Variants in ABCB1 observed in about 807,000 individuals in gnomAD.
ABCB1 encodes the protein ATP binding cassette subfamily B member 1, also known as ATP-dependent translocase ABCB1.
In ABCB1, 69 loss-of-function variants were observed where a neutral mutation model predicts 142.0. The observed-to-expected ratio is 0.49, with a 90% CI of 0.40 to 0.59. The LOEUF is 0.59. Among genes scored for constraint, ABCB1 ranks in the 20% least tolerant of loss-of-function variants. The pLI, the probability that ABCB1 is intolerant of heterozygous loss-of-function variation, is 0.00. For missense variants in ABCB1, 1,326 were observed against 1,554.7 expected, an observed-to-expected ratio of 0.85 and a Z score of 2.47; for synonymous variants, 532 against 539.2, an observed-to-expected ratio of 0.99 and a Z score of 0.18.
At chr7:87,513,170 A>AT (rs1439185227) in intron 25 of ABCB1, among the ~76,000 whole-genome samples, 2 of 152,008 alleles carry the variant, frequency 1.3e-5, no homozygotes, top group African/African-American at 2.4e-5. Context: ...TATCGGCATA[A>AT]TTTTCTGCAG....
At chr7:87,654,864 G>T (rs1343354251) in intron 1 of ABCB1, among the ~76,000 whole-genome samples, 2 of 151,840 alleles carry the variant, frequency 1.3e-5, no homozygotes, top group African/African-American at 4.8e-5. Context: ...AAAATAAATA[G>T]CCTGATTTAG....
At chr7:87,664,862 G>A (rs1006082021) in intron 1 of ABCB1, among the ~76,000 whole-genome samples, 5 of 152,100 alleles carry the variant, frequency 3.3e-5, no homozygotes, top group African/African-American at 1.2e-4. Flanking sequence ...TAAATTTATA[G>A]ATTCAAGAAG....
chr7:87,580,361 A>C (rs1417058007), intron 4 of ABCB1, among the ~76,000 whole-genome samples: 1 of 152,208 alleles, frequency 6.6e-6, no homozygotes, highest in Non-Finnish European at 1.5e-5. Flanking sequence ...CAGCACTTTA[A>C]ATATGTCACG....
intron 9 of ABCB1, 117 bp from the exon 10 acceptor site, chr7:87,550,955 T>C (rs572736598): frequency 1.7e-5 from 12 of 700,746 alleles, no homozygotes; most frequent in Admixed American, 1.3e-4. Flanking sequence ...CGAGGCAACA[T>C]ATAAATACTA....
At chr7:87,519,269 G>A in intron 23 of ABCB1, 57 bp downstream of exon 23, 1 of 1,529,374 alleles carries the variant, frequency 6.5e-7, no homozygotes, top group South Asian at 1.1e-5. Flanking sequence ...TAGACATGAA[G>A]CATGTTCATC....
At chr7:87,589,913 A>T (rs186839196) in intron 3 of ABCB1, among the ~76,000 whole-genome samples, 9 of 152,068 alleles carry the variant, frequency 5.9e-5, no homozygotes, top group Non-Finnish European at 1.3e-4. Context: ...AAAGAGAGAG[A>T]AGGTGAACCA....
rs761559025 is a variant in ABCB1, at chr7:87,504,336, T to C, written c.3750A>G (p.Arg1250=). The part of the protein sequence containing the change: ...ADLIVVFQNG[R]VKEHGTHQQL... ...GCTGATGCGTGCCATGCTCCTTGACTCTGCCATTCTGAAACACCACTATTA... is the reference window on the plus strand; with the variant it reads ...GCTGATGCGTGCCATGCTCCTTGACCCTGCCATTCTGAAACACCACTATTA... The change falls in exon 28 of 28, where the codon AGA becomes AGG. Residue 1250 remains arginine (R), a synonymous_variant. Coordinates refer to ENST00000622132, the MANE Select transcript of ABCB1 (RefSeq NM_001348946.2). 3 of 1,614,060 alleles carry C rather than the reference T, an allele frequency of 1.9e-6. No homozygotes were observed. Among genetic ancestry groups the C allele is most frequent in the Non-Finnish European group, 2.5e-6 (3 of 1,179,986 alleles).
chr7:87,651,258 G>A (rs1465576516), intron 1 of ABCB1, among the ~76,000 whole-genome samples: 4 of 152,090 alleles, frequency 2.6e-5, no homozygotes, highest in African/African-American at 7.2e-5. Flanking sequence ...TTACAGAGAA[G>A]CATTCCAGGC....
intron 17 of ABCB1, among the ~76,000 whole-genome samples, chr7:87,541,869 CCA>C (rs1366913339): frequency 6.6e-6 from 1 of 152,120 alleles, no homozygotes; most frequent in African/African-American, 2.4e-5. Context: ...TTTTGGTGAA[CCA>C]CAGAGTGGTG....
At chr7:87,624,949 G>C (rs1385384907) in intron 1 of ABCB1, among the ~76,000 whole-genome samples, 1 of 152,152 alleles carries the variant, frequency 6.6e-6, no homozygotes, top group Non-Finnish European at 1.5e-5. Context: ...ATCCTTCTAA[G>C]AGTAACATTT....
rs142563230 is a variant in ABCB1, at chr7:87,542,111, G to A, written c.2212-647C>T. 1.4e-4 allele frequency among the ~76,000 whole-genome samples: 21 copies of A among 152,260 alleles called. No homozygotes were observed. The East Asian group carries it at 4.1e-3, about 29-fold the overall frequency. ...AAGAAAACACGTATCTCCCTTCACA[G>A]TGGGCCAAAATCAGTCTTGTAAGAT... is the stretch of plus-strand genomic sequence containing the variant. On this transcript the variant is annotated intron_variant, in intron 17 of 27. Transcript: ENST00000622132.
chr7:87,628,891 G>A (rs200865226), intron 1 of ABCB1: 3 of 1,302,540 alleles, frequency 2.3e-6, no homozygotes, highest in African/African-American at 1.5e-5. Context: ...GGCAAGAAAA[G>A]CCTGAGCGCC....
intron 1 of ABCB1, among the ~76,000 whole-genome samples, chr7:87,683,841 G>A (rs1827179004): frequency 6.6e-6 from 1 of 152,144 alleles, no homozygotes; most frequent in South Asian, 2.1e-4. Flanking sequence ...CCTTCAACGT[G>A]TAAAAAATAC....
chr7:87,504,619 C>A (rs551619262), intron 27 of ABCB1, among the ~76,000 whole-genome samples, 170 bp from the exon 28 acceptor site: 2 of 152,234 alleles, frequency 1.3e-5, no homozygotes, highest in Non-Finnish European at 2.9e-5. Flanking sequence ...TCCTGGCTAA[C>A]ACGGTGAAAC....
At chr7:87,700,541 C>T in intron 1 of ABCB1, 2 of 1,611,312 alleles carry the variant, frequency 1.2e-6, no homozygotes, top group Non-Finnish European at 1.7e-6. Context: ...AATGTCAGTT[C>T]TTCTAGAGCT....
intron 21 of ABCB1, among the ~76,000 whole-genome samples, chr7:87,522,683 T>C (rs1584843861): frequency 6.6e-6 from 1 of 152,318 alleles, no homozygotes; most frequent in Non-Finnish European, 1.5e-5. Flanking sequence ...TGTAGATTTT[T>C]TTTGGCACCC....
intron 1 of ABCB1, among the ~76,000 whole-genome samples, chr7:87,708,220 A>T (rs1289213429): frequency 6.6e-6 from 1 of 152,150 alleles, no homozygotes; most frequent in Non-Finnish European, 1.5e-5. Flanking sequence ...TTTTAAAAAG[A>T]TTAATGCAGT....
At chr7:87,637,755 T>A (rs2130257908) in intron 1 of ABCB1, among the ~76,000 whole-genome samples, 1 of 152,236 alleles carries the variant, frequency 6.6e-6, no homozygotes, top group East Asian at 1.9e-4. Context: ...TTTAAAATAC[T>A]GGTCTTATAT....
chr7:87,638,611 AT>A (rs879545318), intron 1 of ABCB1, among the ~76,000 whole-genome samples: 237 of 139,744 alleles, frequency 1.7e-3, no homozygotes, highest in South Asian at 4.1e-3. Flanking sequence ...TATATTGTCA[AT>A]TTTTTTTTTT....
Sources: allele counts gnomAD v4.1 joint callset (sites outside exome capture counted in the v4.1 genomes callset), GRCh38; gene constraint gnomAD v4.1.1; transcripts MANE v1.5; gene names NCBI Gene and HGNC (gene_info 2026-07-23, HGNC 2026-07-21).